The following ZNF182 variants were observed in gnomAD, a reference collection of about 807,000 sequenced individuals.
ZNF182 encodes the protein zinc finger protein 182.
ZNF182 carries 10 observed loss-of-function variants against 28.1 expected under a neutral mutation model. The ratio of observed to expected loss-of-function variants is 0.36; its 90% CI spans 0.22 to 0.60. ZNF182 has a LOEUF of 0.60. ZNF182 is among the 20% of genes least tolerant of loss of function. The probability of loss-of-function intolerance (pLI) is 0.75; values close to 1 mark genes in which losing one functional copy is unlikely to be tolerated. For synonymous variants in ZNF182, 156 were observed against 158.7 expected, an observed-to-expected ratio of 0.98 and a Z score of 0.13; for missense variants, 352 against 453.2, an observed-to-expected ratio of 0.78 and a Z score of 2.03.
At chrX:47,980,626 T>A (rs1221559212) in intron 5 of ZNF182, among the ~76,000 whole-genome samples, 1 of 111,402 alleles carries the variant, frequency 9.0e-6, no homozygotes, top group Admixed American at 9.6e-5. Context: ...CTGTGCATAG[T>A]AGGAAATGAA....
At chrX:47,982,825 C>T in intron 5 of ZNF182, 124 bp downstream of exon 5, 2 of 602,590 alleles carry the variant, frequency 3.3e-6, no homozygotes, top group Non-Finnish European at 5.2e-6. Flanking sequence ...TCCCTGTCCT[C>T]CAACAGTGCC....
chrX:47,981,677 G>A (rs1457749945), intron 5 of ZNF182, among the ~76,000 whole-genome samples: 3 of 111,628 alleles, frequency 2.7e-5, no homozygotes, highest in Non-Finnish European at 3.8e-5. Flanking sequence ...AAGGCAGGTG[G>A]ATCACAAGGT....
chrX:47,995,057 C>T (rs951572925), intron 3 of ZNF182, among the ~76,000 whole-genome samples: 11 of 109,059 alleles, frequency 1.0e-4, no homozygotes, highest in African/African-American at 3.7e-4. Flanking sequence ...AGAGGCCGGG[C>T]GCGGTGGCTC....
At chrX:47,987,426 T>A (rs2058926906) in intron 3 of ZNF182, among the ~76,000 whole-genome samples, 1 of 112,646 alleles carries the variant, frequency 8.9e-6, no homozygotes, top group African/African-American at 3.2e-5. Context: ...ATCCTTAGTC[T>A]AAAGATAAAA....
At chrX:47,998,785 G>A (rs1556901483) in intron 3 of ZNF182, among the ~76,000 whole-genome samples, 1 of 107,527 alleles carries the variant, frequency 9.3e-6, no homozygotes, top group Non-Finnish European at 1.9e-5. Flanking sequence ...CTTGAACCCA[G>A]GAGGCAGAGG....
chrX:47,988,754 G>T, intron 3 of ZNF182: 1 of 290,225 alleles, frequency 3.4e-6, no homozygotes, highest in Admixed American at 6.1e-5. Context: ...GGACAACTGA[G>T]CATCGAAATA....
chrX:47,983,628 A>AC (rs781803767), intron 3 of ZNF182, among the ~76,000 whole-genome samples: 1 of 112,118 alleles, frequency 8.9e-6, no homozygotes, highest in East Asian at 2.8e-4. Context: ...CATTATCAGC[A>AC]CAAGGACAGA....
intron 3 of ZNF182, among the ~76,000 whole-genome samples, chrX:48,000,255 C>T (rs1556901754): frequency 9.0e-6 from 1 of 111,425 alleles, no homozygotes; most frequent in African/African-American, 3.3e-5. Flanking sequence ...AATCCTCATA[C>T]CTTATACAAA....
chrX:47,997,330 A>C (rs1297923213), intron 3 of ZNF182, among the ~76,000 whole-genome samples: 1 of 108,895 alleles, frequency 9.2e-6, no homozygotes, highest in Non-Finnish European at 1.9e-5. Context: ...AAAAAAAAAA[A>C]AACACAACAT....
chrX:47,998,530 A>G (rs2058966991), intron 3 of ZNF182, among the ~76,000 whole-genome samples: 2 of 112,258 alleles, frequency 1.8e-5, no homozygotes, highest in Admixed American at 1.9e-4. Context: ...TGAAAATACA[A>G]CATATGAAAA....
chrX:47,981,716 C>T (rs782005520), intron 5 of ZNF182, among the ~76,000 whole-genome samples: 1 of 110,938 alleles, frequency 9.0e-6, no homozygotes, highest in South Asian at 3.8e-4. Context: ...CTGGCTAACA[C>T]GGTGAAACCC....
intron 3 of ZNF182, among the ~76,000 whole-genome samples, chrX:47,999,814 T>C (rs2058972574): frequency 8.9e-6 from 1 of 112,424 alleles, no homozygotes; most frequent in Non-Finnish European, 1.9e-5. Flanking sequence ...GTATACCCCA[T>C]AAATATGTAT....
In ZNF182 at chrX:47,983,410, C is replaced by A. The variant is rs781843178; in HGVS notation, c.17G>T (p.Gly6Val). 8.3e-7 allele frequency: 1 copy of A among 1,202,344 alleles called. No individual in the cohort carries two copies. The highest frequency in any genetic ancestry group is 2.3e-5 in the Admixed American group (1 of 44,251). MAKPQGLVTFEDVAVD... is the reference protein window; with the variant it reads MAKPQVLVTFEDVAVD... ...AGCTACATCTTCAAATGTCACTAGC[C>A]CCTGTAATGGTACATTCCTTTTATT... Residue 6 changes from glycine (G) to valine (V), a missense_variant and splice_region_variant, in exon 4 of 6, where the codon GGG (glycine) becomes GTG (valine). Coordinates refer to ENST00000376943, the MANE Select transcript of ZNF182 (RefSeq NM_001007088.2).
At position 47,995,147 on chromosome X, in the gene ZNF182, T is replaced by C. The variant is rs1421719729; in HGVS notation, c.15+7448A>G. 8.3e-5 allele frequency among the ~76,000 whole-genome samples: 9 copies of C among 108,390 alleles called. No homozygotes were observed. In the East Asian group the frequency reaches 8.9e-4, roughly 11 times the overall value. 94.1% of individuals were successfully genotyped at this position (108,390 alleles called of 115,157 possible). On this transcript the variant is annotated intron_variant, in intron 3 of 5. Coordinates refer to ENST00000376943, the MANE Select transcript of ZNF182 (RefSeq NM_001007088.2). ...GAGATCGAGACCATCCTGGCCAACA[T>C]GGTGAAACCCCATCTCTACTAAAAG...
At chrX:47,988,481 C>A in intron 3 of ZNF182, 1 of 455,025 alleles carries the variant, frequency 2.2e-6, no homozygotes, top group Non-Finnish European at 4.0e-6. Context: ...AGTCTGGTGC[C>A]TCCCTCCCCC....
chrX:47,982,054 G>A (rs1556899182), intron 5 of ZNF182, among the ~76,000 whole-genome samples: 1 of 111,651 alleles, frequency 9.0e-6, no homozygotes, highest in Admixed American at 9.5e-5. Flanking sequence ...ATAACCAAAA[G>A]GTTGAAACAA....
chrX:48,003,649 G>A lies in ZNF182; in HGVS notation c.-186C>T. On this transcript the variant is annotated 5_prime_UTR_variant, in exon 2 of 6. It adds an upstream start codon to the 5' untranslated region. Coordinates refer to ENST00000376943, the MANE Select transcript of ZNF182 (RefSeq NM_001007088.2). ...GAGGGCAGAGGGAGAAGCGGGGCGC[G>A]TCTAAAGAGGGGTCTGAGGGATGCG... 8.9e-6 allele frequency: 1 copy of A among 112,412 alleles called. No homozygotes were observed. Among genetic ancestry groups the A allele is most frequent in the South Asian group, 3.6e-4 (1 of 2,746 alleles). 9.3% of individuals were successfully genotyped at this position (112,412 alleles called of 1,213,427 possible).
At chrX:47,979,830 G>A (rs1232755390) in intron 5 of ZNF182, among the ~76,000 whole-genome samples, 1 of 108,545 alleles carries the variant, frequency 9.2e-6, no homozygotes, top group Non-Finnish European at 1.9e-5. Context: ...TGAGCCATAG[G>A]AGAGGGAAGC....
chrX:47,987,558 C>T (rs1447888455), intron 3 of ZNF182, among the ~76,000 whole-genome samples: 1 of 112,510 alleles, frequency 8.9e-6, no homozygotes, highest in Non-Finnish European at 1.9e-5. Context: ...ATTATTGATG[C>T]TAGGAACCAA....
Sources: gnomAD v4.1 joint callset for allele counts (sites outside exome capture counted in the v4.1 genomes callset) on GRCh38, gnomAD v4.1.1 for gene constraint, MANE v1.5 for transcripts, NCBI Gene and HGNC (gene_info 2026-07-23, HGNC 2026-07-21) for gene names.